The following TEX9 variants were observed in gnomAD, a reference collection of about 807,000 sequenced individuals.
TEX9 encodes testis expressed 9.
A neutral mutation model predicts 59.6 loss-of-function variants in TEX9; 74 were observed. The ratio of observed to expected loss-of-function variants is 1.24; its 90% CI spans 1.03 to 1.51. The LOEUF (loss-of-function observed/expected upper bound fraction) is 1.51. Among genes scored for constraint, TEX9 ranks in the 40% most tolerant of loss-of-function variants. The pLI is 0.00. For missense variants in TEX9, 522 were observed against 447.8 expected (o/e 1.17, Z -1.49); for synonymous variants, 186 against 152.2 (o/e 1.22, Z -1.64).
chr15:56,253,068 A>T (rs1197666403), intron 1 of TEX9, among the ~76,000 whole-genome samples: 2 of 152,054 alleles, frequency 1.3e-5, no homozygotes, highest in Admixed American at 6.6e-5. Flanking sequence ...TGAAAACCAA[A>T]AGTGGTGGCA....
chr15:56,261,987 G>A (rs1388046398), intron 1 of TEX9, among the ~76,000 whole-genome samples: 3 of 152,188 alleles, frequency 2.0e-5, no homozygotes, highest in Admixed American at 6.5e-5. Context: ...GGGTGCCAGT[G>A]AAAGGCATTC....
At chr15:56,308,855 C>A (rs1231819615) in intron 1 of TEX9, among the ~76,000 whole-genome samples, 1 of 152,106 alleles carries the variant, frequency 6.6e-6, no homozygotes, top group Non-Finnish European at 1.5e-5. Flanking sequence ...ATCAATTGAC[C>A]ATAAGTAGAA....
At chr15:56,311,324 T>C (rs1213441174) in intron 1 of TEX9, among the ~76,000 whole-genome samples, 1 of 130,652 alleles carries the variant, frequency 7.7e-6, no homozygotes, top group African/African-American at 2.9e-5. Context: ...CCCCAGAGTG[T>C]GATATTCCCC....
intron 1 of TEX9, among the ~76,000 whole-genome samples, chr15:56,346,009 C>G (rs1246001520): frequency 1.3e-5 from 2 of 152,138 alleles, no homozygotes; most frequent in Non-Finnish European, 2.9e-5. Context: ...GAGTGCCTAT[C>G]ATAAGTGGGA....
chr15:56,443,579 A>T (rs762493342), intron 12 of TEX9: 1 of 1,584,316 alleles, frequency 6.3e-7, no homozygotes, highest in South Asian at 1.2e-5. Context: ...ATAGGATCCA[A>T]ATTCTGTAAC....
At chr15:56,415,684 C>G (rs756097903) in intron 10 of TEX9, among the ~76,000 whole-genome samples, 27 of 151,802 alleles carry the variant, frequency 1.8e-4, no homozygotes, top group Non-Finnish European at 3.4e-4. Flanking sequence ...GTGCCTCCAA[C>G]TTTGTTCTTT....
At chr15:56,427,545 T>G in intron 10 of TEX9, 60 bp from the exon 11 acceptor site, 1 of 1,196,728 alleles carries the variant, frequency 8.4e-7, no homozygotes, top group Non-Finnish European at 1.1e-6. Context: ...TGATAGTCTA[T>G]AATTCTTTCC....
At chr15:56,357,188 T>A (rs535383027) in intron 1 of TEX9, among the ~76,000 whole-genome samples, 1 of 152,256 alleles carries the variant, frequency 6.6e-6, no homozygotes, top group Admixed American at 6.5e-5. Context: ...CATTAGTGAG[T>A]AATTGGTCAT....
At chr15:56,374,179 A>T (rs1456477832) in intron 3 of TEX9, 1 of 152,076 alleles carries the variant, frequency 6.6e-6, no homozygotes, top group East Asian at 1.9e-4. Context: ...GAAAAGCAGG[A>T]AAATACTTGT....
intron 1 of TEX9, among the ~76,000 whole-genome samples, chr15:56,260,255 G>A (rs545065009): frequency 1.3e-5 from 2 of 152,158 alleles, no homozygotes; most frequent in South Asian, 4.1e-4. Context: ...ACTAGGACCT[G>A]CAGTGCAATG....
chr15:56,376,639 G>T (rs964059220), intron 3 of TEX9, among the ~76,000 whole-genome samples: 1 of 151,744 alleles, frequency 6.6e-6, no homozygotes, highest in Non-Finnish European at 1.5e-5. Flanking sequence ...AGAGTTGTTT[G>T]AGCTCCCTAT....
chr15:56,429,464 G>A (rs1390369900), intron 12 of TEX9: 3 of 314,454 alleles, frequency 9.5e-6, no homozygotes, highest in Non-Finnish European at 1.7e-5. Context: ...AAGTTCTACT[G>A]CTTGGATTAC....
intron 1 of TEX9, among the ~76,000 whole-genome samples, chr15:56,250,118 T>C (rs150244614): frequency 2.0e-5 from 3 of 152,190 alleles, no homozygotes; most frequent in Admixed American, 6.5e-5. Flanking sequence ...ATCACTTAAG[T>C]CTGTGGTAAA....
chr15:56,261,244 A>G (rs190733272), intron 1 of TEX9, among the ~76,000 whole-genome samples: 52 of 151,776 alleles, frequency 3.4e-4, no homozygotes, highest in African/African-American at 1.3e-3. Context: ...ATTTTTATTA[A>G]TTTCCCTCTA....
In TEX9 at chr15:56,365,682, G is replaced by A. The variant is rs759571763; in HGVS notation, c.119+12G>A. 1.1e-5 allele frequency: 17 copies of A among 1,613,638 alleles called. No homozygotes were observed. Among genetic ancestry groups the A allele is most frequent in the Admixed American group, 3.3e-5 (2 of 59,960 alleles). On this transcript the variant is annotated intron_variant, in intron 2 of 12. Coordinates refer to ENST00000352903, the Ensembl canonical transcript of TEX9. ...GAGGAAGAATATAAGTAAGAAATTC[G>A]GCGGTTGAACTTTTCCTTCTTTCTT...
Position 56,365,490 on chromosome 15 carries a change from C to T in TEX9, c.27+13C>T, listed in dbSNP as rs1296761170. 19 of 1,614,040 alleles carry T rather than the reference C, an allele frequency of 1.2e-5. No homozygotes were observed. Among genetic ancestry groups the T allele is most frequent in the Non-Finnish European group, 4.2e-6 (5 of 1,180,008 alleles). ...TCTGTGTCTCACGGTCAGTTCAACTCCAGGCTCCTGGGGAGCGTCTGGGTT... is the reference window on the plus strand; with the variant it reads ...TCTGTGTCTCACGGTCAGTTCAACTTCAGGCTCCTGGGGAGCGTCTGGGTT... On this transcript the variant is annotated intron_variant, in intron 1 of 12. Coordinates refer to ENST00000352903, the Ensembl canonical transcript of TEX9.
intron 3 of TEX9, among the ~76,000 whole-genome samples, chr15:56,378,059 G>T (rs976782959): frequency 1.3e-5 from 2 of 152,116 alleles, no homozygotes; most frequent in Non-Finnish European, 2.9e-5. Flanking sequence ...TTGCATCCCT[G>T]GGGTAAATCC....
intron 7 of TEX9, 155 bp from the exon 8 acceptor site, chr15:56,394,010 G>T: frequency 3.7e-6 from 2 of 536,378 alleles, no homozygotes; most frequent in Non-Finnish European, 6.5e-6. Context: ...CTTTTCATTA[G>T]GACTGTTGAG....
chr15:56,257,020 T>C (rs2044159687), intron 1 of TEX9, among the ~76,000 whole-genome samples: 1 of 152,122 alleles, frequency 6.6e-6, no homozygotes, highest in Admixed American at 6.6e-5. Flanking sequence ...CTCCCACTTA[T>C]AAGTGAGAAC....
Sources: allele counts gnomAD v4.1 joint callset (sites outside exome capture counted in the v4.1 genomes callset), GRCh38; gene constraint gnomAD v4.1.1; transcripts MANE v1.5; gene names NCBI Gene and HGNC (gene_info 2026-07-23, HGNC 2026-07-21).